The following HTT variants were observed in gnomAD, a reference collection of about 807,000 sequenced individuals.
The protein encoded by HTT is huntingtin.
A neutral mutation model predicts 362.3 loss-of-function variants in HTT; 104 were observed. The ratio of observed to expected loss-of-function variants is 0.29; its 90% CI spans 0.24 to 0.34. The LOEUF is 0.34. Ranked by LOEUF, HTT falls within the 10% of genes least tolerant of loss-of-function variation. HTT has a pLI of 1.00. For synonymous variants in HTT, 1,577 were observed against 1,548.7 expected (o/e 1.02, Z -0.43); for missense variants, 3,301 against 3,928.6 (o/e 0.84, Z 4.27).
intron 2 of HTT, among the ~76,000 whole-genome samples, chr4:3,090,844 G>C (rs1713465737): frequency 6.6e-6 from 1 of 152,222 alleles, no homozygotes; most frequent in Non-Finnish European, 1.5e-5. Context: ...TGGTGTGGTG[G>C]CCCATGCCTG....
intron 4 of HTT, among the ~76,000 whole-genome samples, chr4:3,104,103 T>C (rs1177105008): frequency 6.6e-6 from 1 of 152,068 alleles, no homozygotes; most frequent in Non-Finnish European, 1.5e-5. Flanking sequence ...GCTTTACTTA[T>C]TTTATTTTAT....
chr4:3,148,752 C>T (rs1394666424), intron 26 of HTT, among the ~76,000 whole-genome samples: 3 of 151,928 alleles, frequency 2.0e-5, no homozygotes, highest in Non-Finnish European at 4.4e-5. Context: ...GAGCCGAGAT[C>T]GTGCCACTGC....
chr4:3,184,390 G>A (rs530885947), intron 37 of HTT, among the ~76,000 whole-genome samples: 5 of 151,898 alleles, frequency 3.3e-5, no homozygotes, highest in Non-Finnish European at 5.9e-5. Context: ...GAGGGTTTGC[G>A]CTGATGTGGT....
At chr4:3,220,156 A>G (rs1173893848) in intron 52 of HTT, 26 bp from the exon 53 acceptor site, 4 of 1,613,794 alleles carry the variant, frequency 2.5e-6, no homozygotes, top group Middle Eastern at 1.7e-4. Context: ...AACTCGGATG[A>G]TGTCACTTCC....
Position 3,218,627 on chromosome 4 carries a change from C to T in HTT, c.7242+675C>T, listed in dbSNP as rs530563703. ...TAGCCTGGGCAACAGAGCAAGACTC[C>T]GTCTCAAAAAAAAAAAAGGTAGGTG... is the stretch of plus-strand genomic sequence containing the variant. On this transcript the variant is annotated intron_variant, in intron 52 of 66. Transcript: ENST00000355072. This position sits in a 1 kb window ranked among gnomAD's most constrained non-coding sequence, Gnocchi z 4.4. Among the ~76,000 whole-genome samples the T allele has an allele frequency of 2.4e-4, 36 of 150,746 alleles. No individual in the cohort carries two copies. The highest frequency in any genetic ancestry group is 4.4e-4 in the Non-Finnish European group (30 of 67,730).
intron 64 of HTT, among the ~76,000 whole-genome samples, chr4:3,237,416 C>T (rs568025838): frequency 2.0e-5 from 3 of 152,216 alleles, no homozygotes; most frequent in African/African-American, 7.2e-5. Flanking sequence ...GTTCTTCAGT[C>T]CCCATATGCT....
rs1401533706 is a variant in HTT at position 3,204,160 on chromosome 4, A to G, written c.5718+12A>G. On this transcript the variant is annotated intron_variant, in intron 42 of 66. Transcript: ENST00000355072. The stretch of plus-strand genomic sequence containing the variant: ...TCTGTGATTATGTCGTAAGTTTGAA[A>G]TGCCTGTAAACGGGGTTGAGGGAGG... The G allele has an allele frequency of 6.2e-7, 1 of 1,614,080 alleles. No homozygotes were observed. Among genetic ancestry groups the G allele is most frequent in the Non-Finnish European group, 8.5e-7 (1 of 1,179,920 alleles).
In HTT at chr4:3,148,008, G is replaced by A. The variant is rs756595959; in HGVS notation, c.3299G>A (p.Ser1100Asn). Residue 1100 changes from serine (S) to asparagine (N), a missense_variant, in exon 26 of 67, where the codon AGT (serine) becomes AAT (asparagine). This residue lies in a region of HTT where 2,316 missense variants were observed against 2,658.5 expected (regional missense o/e 0.87). Transcript: ENST00000355072. Reference protein sequence around the residue: ...LILAGNLLAASAPKSLRSSWA... With the variant: ...LILAGNLLAANAPKSLRSSWA... ...AATGTCTGTGCCCATATCACAGCCAGTGCTCCCAAATCTCTGAGAAGTTCA... is the reference window on the plus strand; with the variant it reads ...AATGTCTGTGCCCATATCACAGCCAATGCTCCCAAATCTCTGAGAAGTTCA... 28 of 1,611,394 alleles carry A rather than the reference G, an allele frequency of 1.7e-5. No individual in the cohort carries two copies. Among genetic ancestry groups the A allele is most frequent in the African/African-American group, 2.7e-5 (2 of 74,782 alleles).
rs1242233113 is a variant in HTT at position 3,140,537 on chromosome 4, T to C, written c.2826T>C (p.Cys942=). Residue 942 remains cysteine, a synonymous_variant, in exon 22 of 67, where the codon TGT becomes TGC. Coordinates refer to ENST00000355072, the MANE Select transcript of HTT (RefSeq NM_001388492.1). ...IRLVPKLFYK[C]DQGQADPVVA... ...TTGTCCCAAAGCTGTTTTATAAATGTGACCAAGGACAAGCTGATCCAGTAG... is the reference window on the plus strand; with the variant it reads ...TTGTCCCAAAGCTGTTTTATAAATGCGACCAAGGACAAGCTGATCCAGTAG... 1 of 1,614,040 alleles carries C rather than the reference T, an allele frequency of 6.2e-7. No homozygotes were observed. Among genetic ancestry groups the C allele is most frequent in the African/African-American group, 1.3e-5 (1 of 74,936 alleles).
Position 3,188,966 on chromosome 4 carries a change from G to A in HTT, c.5241G>A (p.Leu1747=). ...EETFSRFLLQ[L]VGILLEDIVT... ...TTCTTGGAAGGTTTCTATTACAACT[G>A]GTTGGTATTCTTTTAGAAGACATTG... Residue 1747 remains leucine (L), a synonymous_variant, in exon 40 of 67, where the codon CTG becomes CTA. Coordinates refer to ENST00000355072, the MANE Select transcript of HTT (RefSeq NM_001388492.1). 6.2e-7 allele frequency: 1 copy of A among 1,614,016 alleles called. No individual in the cohort carries two copies. The highest frequency in any genetic ancestry group is 1.1e-5 in the South Asian group (1 of 91,056).
chr4:3,158,978 T>C (rs1194090713), intron 28 of HTT, among the ~76,000 whole-genome samples: 1 of 152,230 alleles, frequency 6.6e-6, no homozygotes, highest in African/African-American at 2.4e-5. Flanking sequence ...CCCTGGCATC[T>C]TGGACTCCTG....
chr4:3,117,671 T>C (rs1715098155), intron 8 of HTT, among the ~76,000 whole-genome samples: 1 of 152,002 alleles, frequency 6.6e-6, no homozygotes, highest in Non-Finnish European at 1.5e-5. Flanking sequence ...ACCCCATGTC[T>C]TAAAGAAAAA....
At chr4:3,175,269 G>A (rs1193733965) in intron 33 of HTT, among the ~76,000 whole-genome samples, 162 bp downstream of exon 33, 1 of 152,166 alleles carries the variant, frequency 6.6e-6, no homozygotes, top group Non-Finnish European at 1.5e-5. Context: ...CAGAAGGCCT[G>A]GGGCATAGCC....
chr4:3,094,006 G>T (rs1347913400), intron 2 of HTT, among the ~76,000 whole-genome samples: 1 of 148,786 alleles, frequency 6.7e-6, no homozygotes, highest in Non-Finnish European at 1.5e-5. Flanking sequence ...TGGAGGGAAG[G>T]TCAGCAGATA....
chr4:3,088,248 A>C (rs1713315456), intron 2 of HTT, among the ~76,000 whole-genome samples: 1 of 146,914 alleles, frequency 6.8e-6, no homozygotes, highest in Non-Finnish European at 1.5e-5. Context: ...GTGCAGTGGC[A>C]TGATCTTGGC....
At chr4:3,114,989 A>AT (rs202217324) in intron 6 of HTT, among the ~76,000 whole-genome samples, 2,112 of 151,508 alleles carry the variant, frequency 0.014, 51 homozygotes, top group African/African-American at 0.047. Flanking sequence ...TCATTTGTTG[A>AT]TTTTTTTTTA....
chr4:3,214,635 A>G (rs1720312106), intron 50 of HTT, among the ~76,000 whole-genome samples: 1 of 152,240 alleles, frequency 6.6e-6, no homozygotes, highest in Non-Finnish European at 1.5e-5. Flanking sequence ...TGGACGTCAT[A>G]GTTTACATGT....
In HTT at chr4:3,197,720, C is replaced by T. The variant is rs138113554; in HGVS notation, c.5369-2012C>T. On this transcript the variant is annotated intron_variant, in intron 40 of 66. Coordinates refer to ENST00000355072, the MANE Select transcript of HTT (RefSeq NM_001388492.1). ...CCCAGGTAAGGTGCATCCAAGGTCACCCAGGTAGTAGACAGTAGAGCCACG... is the reference window on the plus strand; with the variant it reads ...CCCAGGTAAGGTGCATCCAAGGTCATCCAGGTAGTAGACAGTAGAGCCACG... Among the ~76,000 whole-genome samples, 370 of 152,296 alleles carry T rather than the reference C, an allele frequency of 2.4e-3. 1 individual carries two copies. Among genetic ancestry groups the T allele is most frequent in the African/African-American group, 8.4e-3 (351 of 41,560 alleles).
intron 1 of HTT, among the ~76,000 whole-genome samples, chr4:3,084,674 A>AGT (rs1713105230): frequency 6.7e-6 from 1 of 149,764 alleles, no homozygotes; most frequent in African/African-American, 2.5e-5. Flanking sequence ...TGTGTGACAG[A>AGT]GTAAGACTCC....
Sources: allele counts gnomAD v4.1 joint callset (sites outside exome capture counted in the v4.1 genomes callset), GRCh38; gene constraint gnomAD v4.1.1; regional missense constraint gnomAD v4.1.1; non-coding constraint Gnocchi (gnomAD v3.1); transcripts MANE v1.5; gene names NCBI Gene and HGNC (gene_info 2026-07-23, HGNC 2026-07-21).